The following PHETA1 variants were observed in gnomAD, a reference collection of about 807,000 sequenced individuals.
PHETA1 encodes the protein PH domain containing endocytic trafficking adaptor 1.
For synonymous variants in PHETA1, 155 were observed against 168.9 expected (o/e 0.92, Z 0.64); for missense variants, 348 against 373.5 (o/e 0.93, Z 0.56).
intron 2 of PHETA1, chr12:111,365,564 C>T: frequency 2.2e-6 from 1 of 455,390 alleles, no homozygotes; most frequent in South Asian, 1.6e-5. Flanking sequence ...ACATACACAC[C>T]ATGGAAAACT....
Position 111,362,966 on chromosome 12 carries a change from A to G in PHETA1, c.462T>C (p.Ser154=), listed in dbSNP as rs1868750944. 3 of 1,434,246 alleles carry G rather than the reference A, an allele frequency of 2.1e-6. No homozygotes were observed. In the African/African-American group the frequency reaches 4.4e-5, roughly 21 times the overall value. 88.8% of individuals were successfully genotyped at this position (1,434,246 alleles called of 1,614,324 possible). ...GCAGGGATGGGACTGGGGCCAGGGC[A>G]GAGGGCAGGGACGGGGGCAAGGGCA... The part of the protein sequence containing the change: ...QSLPLPPSLP[S]ALAPVPSLPS... Residue 154 remains serine, a synonymous_variant, in exon 3 of 3, where the codon TCT becomes TCC. Coordinates refer to ENST00000683047, the MANE Select transcript of PHETA1 (RefSeq NM_144671.6).
chr12:111,362,374 C>T lies in PHETA1; in HGVS notation c.*304G>A. The T allele has an allele frequency of 1.6e-6, 1 of 635,954 alleles. No individual in the cohort carries two copies. The highest frequency in any genetic ancestry group is 2.6e-6 in the Non-Finnish European group (1 of 382,184). The allele number at this position is 635,954 out of a possible 1,614,324, so 39.4% of individuals were successfully genotyped here. Reference sequence around the variant, plus strand: ...GTTGCCAGCACAGGCCTCTGCCCGGCAGCTCAGGCCAGCCTGGGGCCGGAG... The same window carrying T: ...GTTGCCAGCACAGGCCTCTGCCCGGTAGCTCAGGCCAGCCTGGGGCCGGAG... On this transcript the variant is annotated 3_prime_UTR_variant, in exon 3 of 3. Coordinates refer to ENST00000683047, the MANE Select transcript of PHETA1 (RefSeq NM_144671.6).
rs1230420007 is a variant in PHETA1 at position 111,367,087 on chromosome 12, C to T, written c.-181-830G>A. On this transcript the variant is annotated intron_variant, in intron 1 of 2. Transcript: ENST00000683047. The surrounding 1 kb of genome is among the most constrained non-coding windows in gnomAD (Gnocchi z 4.0). ...AGTTCCCTTTCCCTACCTCTTTCCCCCTTGTTCACTCAGCTCCAGCCATCC... is the reference window on the plus strand; with the variant it reads ...AGTTCCCTTTCCCTACCTCTTTCCCTCTTGTTCACTCAGCTCCAGCCATCC... Among the ~76,000 whole-genome samples the T allele has an allele frequency of 1.3e-5, 2 of 152,068 alleles. No individual in the cohort carries two copies. The highest frequency in any genetic ancestry group is 4.8e-5 in the African/African-American group (2 of 41,400).
chr12:111,362,616 GACCC>G lies in PHETA1; in HGVS notation c.*58_*61del. Reference sequence around the variant, plus strand: ...GGATCTGCTCCCCCAGTCTCTCCAGGACCCGGCCTGTCCCAGAGGGCATAGAGCT... The same window carrying G: ...GGATCTGCTCCCCCAGTCTCTCCAGGGGCCTGTCCCAGAGGGCATAGAGCT... On this transcript the variant is annotated 3_prime_UTR_variant, in exon 3 of 3. Transcript: ENST00000683047. 1.3e-6 allele frequency: 2 copies of G among 1,546,272 alleles called. No individual in the cohort carries two copies. The highest frequency in any genetic ancestry group is 1.7e-6 in the Non-Finnish European group (2 of 1,146,750).
In PHETA1 at chr12:111,363,086, G is replaced by A. The variant is rs754493723; in HGVS notation, c.342C>T (p.Asp114=). The change falls in exon 3 of 3, where the codon GAC becomes GAT. Residue 114 remains aspartate, a synonymous_variant. Transcript: ENST00000683047. The surrounding 1 kb of genome is among the most constrained non-coding windows in gnomAD (Gnocchi z 7.4). ...GCTCGCGCACCACCAGCCGCAGGTA[G>A]TCGAAGCTGGCACGCGACAGGGCCT... is the stretch of plus-strand genomic sequence containing the variant. ...WVKALSRASF[D]YLRLVVRELE... 1 of 1,589,262 alleles carries A rather than the reference G, an allele frequency of 6.3e-7. No individual in the cohort carries two copies. Among genetic ancestry groups the A allele is most frequent in the African/African-American group, 1.3e-5 (1 of 74,796 alleles).
chr12:111,366,272 C>T lies in PHETA1; in HGVS notation c.-181-15G>A, dbSNP rs938452351. 2 of 154,952 alleles carry T rather than the reference C, an allele frequency of 1.3e-5. No homozygotes were observed. Among genetic ancestry groups the T allele is most frequent in the Middle Eastern group, 5.1e-4 (1 of 1,944 alleles). The allele number at this position is 154,952 out of a possible 1,614,324, so 9.6% of individuals were successfully genotyped here. A position where few individuals can be genotyped will look rare whatever the true frequency, so the allele number is the denominator to read the frequency against. ...TGTTTCTGCATCTGTAAAATGGGAT[C>T]GTAACAGTGCCTAAGTCAGGGCTGT... On this transcript the variant is annotated splice_polypyrimidine_tract_variant and intron_variant, in intron 1 of 2. Coordinates refer to ENST00000683047, the MANE Select transcript of PHETA1 (RefSeq NM_144671.6).
In PHETA1 at chr12:111,363,361, A is replaced by G; in HGVS notation, c.67T>C (p.Phe23Leu). Residue 23 changes from phenylalanine to leucine, a missense_variant, in exon 3 of 3, where the codon TTC becomes CTC. Transcript: ENST00000683047. This position sits in a 1 kb window ranked among gnomAD's most constrained non-coding sequence, Gnocchi z 7.4. The stretch of plus-strand genomic sequence containing the variant: ...TGCCGCCCACCCTTCTTGTACAGGA[A>G]GCCTGCATTGTCCACCGGGGCGTCA... ...TCDAPVDNAG[F>L]LYKKGGRHAA... 6.2e-7 allele frequency: 1 copy of G among 1,613,162 alleles called. No individual in the cohort carries two copies. Among genetic ancestry groups the G allele is most frequent in the Non-Finnish European group, 8.5e-7 (1 of 1,179,980 alleles).
In PHETA1 at chr12:111,363,159, G is replaced by A. The variant is rs1253966636; in HGVS notation, c.269C>T (p.Thr90Ile). Residue 90 changes from threonine to isoleucine, a missense_variant, in exon 3 of 3, where the codon ACC becomes ATC. By Grantham distance (89) the Thr-to-Ile change is moderately conservative. Transcript: ENST00000683047. The surrounding 1 kb of genome is among the most constrained non-coding windows in gnomAD (Gnocchi z 7.4). ...AVRFAGTRAR[T>I]YVLAAESQDA... ...CTGACTCTCAGCGGCCAGCACGTAG[G>A]TGCGCGCCCGGGTCCCCGCAAAGCG... 1 of 1,611,456 alleles carries A rather than the reference G, an allele frequency of 6.2e-7. No individual in the cohort carries two copies. Among genetic ancestry groups the A allele is most frequent in the Non-Finnish European group, 8.5e-7 (1 of 1,179,800 alleles).
rs1457089433 is a variant in PHETA1, at chr12:111,361,904, A to C, written c.*774T>G. ...GGGGCCAAGACTGAAGGATGCAGTC[A>C]AGGAGTGTCTGGAGAGCCCTGTGAG... On this transcript the variant is annotated 3_prime_UTR_variant, in exon 3 of 3. Transcript: ENST00000683047. 1 of 456,110 alleles carries C rather than the reference A, an allele frequency of 2.2e-6. No homozygotes were observed. Among genetic ancestry groups the C allele is most frequent in the Non-Finnish European group, 4.4e-6 (1 of 226,874 alleles). 28.3% of individuals were successfully genotyped at this position (456,110 alleles called of 1,614,324 possible). A position where few individuals can be genotyped will look rare whatever the true frequency, so the allele number is the denominator to read the frequency against.
chr12:111,362,485 A>G lies in PHETA1; in HGVS notation c.*193T>C, dbSNP rs1367271470. The G allele has an allele frequency of 2.9e-6, 4 of 1,395,202 alleles. No homozygotes were observed. The highest frequency in any genetic ancestry group is 5.0e-5 in the East Asian group (2 of 39,804). 86.4% of individuals were successfully genotyped at this position (1,395,202 alleles called of 1,614,324 possible). A position where few individuals can be genotyped will look rare whatever the true frequency, so the allele number is the denominator to read the frequency against. On this transcript the variant is annotated 3_prime_UTR_variant, in exon 3 of 3. Transcript: ENST00000683047. ...CTCAAGGGTAGGCCTTCTGGGTCAC[A>G]TGGTCCTAAAGGCCCACTCAGAATC...
intron 1 of PHETA1, among the ~76,000 whole-genome samples, chr12:111,366,796 G>T (rs931971405): frequency 6.6e-6 from 1 of 152,020 alleles, no homozygotes; most frequent in Admixed American, 6.6e-5. Context: ...CCTTAGGCAG[G>T]GTGCGGTGGC....
rs772166451 is a variant in PHETA1 at position 111,362,978 on chromosome 12, C to T, written c.450G>A (p.Pro150=). Residue 150 remains proline (P), a synonymous_variant, in exon 3 of 3, where the codon CCG becomes CCA. Transcript: ENST00000683047. ...CTGGGGCCAGGGCAGAGGGCAGGGACGGGGGCAAGGGCAGGGACTGGGGCT... is the reference window on the plus strand; with the variant it reads ...CTGGGGCCAGGGCAGAGGGCAGGGATGGGGGCAAGGGCAGGGACTGGGGCT... ...QPQPQSLPLP[P]SLPSALAPVP... The T allele has an allele frequency of 2.5e-4, 303 of 1,223,474 alleles. 3 individuals carry two copies. In the Middle Eastern group the frequency reaches 4.3e-3, roughly 17 times the overall value. 75.8% of individuals were successfully genotyped at this position (1,223,474 alleles called of 1,614,324 possible).
At chr12:111,364,794 G>A (rs1479858742) in intron 2 of PHETA1, among the ~76,000 whole-genome samples, 1 of 151,918 alleles carries the variant, frequency 6.6e-6, no homozygotes. Context: ...CAGGCATGGT[G>A]GGGGGTGCCT....
At position 111,362,620 on chromosome 12, in the gene PHETA1, C is replaced by T. The variant is rs749276185; in HGVS notation, c.*58G>A. 18 of 1,546,760 alleles carry T rather than the reference C, an allele frequency of 1.2e-5. No homozygotes were observed. The highest frequency in any genetic ancestry group is 9.8e-5 in the East Asian group (4 of 40,926). ...CTGCTCCCCCAGTCTCTCCAGGACC[C>T]GGCCTGTCCCAGAGGGCATAGAGCT... On this transcript the variant is annotated 3_prime_UTR_variant, in exon 3 of 3. Transcript: ENST00000683047.
chr12:111,362,496 G>A lies in PHETA1; in HGVS notation c.*182C>T. On this transcript the variant is annotated 3_prime_UTR_variant, in exon 3 of 3. Transcript: ENST00000683047. Reference sequence around the variant, plus strand: ...GCCTTCTGGGTCACATGGTCCTAAAGGCCCACTCAGAATCCAGCACCTTCT... The same window carrying A: ...GCCTTCTGGGTCACATGGTCCTAAAAGCCCACTCAGAATCCAGCACCTTCT... 2.8e-6 allele frequency: 4 copies of A among 1,453,000 alleles called. No homozygotes were observed. Among genetic ancestry groups the A allele is most frequent in the African/African-American group, 1.4e-5 (1 of 70,512 alleles). 90.0% of individuals were successfully genotyped at this position (1,453,000 alleles called of 1,614,324 possible). A position where few individuals can be genotyped will look rare whatever the true frequency, so the allele number is the denominator to read the frequency against.
Position 111,364,508 on chromosome 12 carries a change from G to A in PHETA1, c.-36-1045C>T, listed in dbSNP as rs185424309. ...ACAGGGGCTGGGCACAGTGGCTCAC[G>A]CCTGTAATCCCAGCACTTTGGAAGG... On this transcript the variant is annotated intron_variant, in intron 2 of 2. Transcript: ENST00000683047. Among the ~76,000 whole-genome samples the A allele has an allele frequency of 1.3e-3, 192 of 152,254 alleles. 1 individual carries two copies. The highest frequency in any genetic ancestry group is 1.9e-3 in the Non-Finnish European group (129 of 68,022).
Position 111,362,649 on chromosome 12 carries a change from G to T in PHETA1, c.*29C>A. The T allele has an allele frequency of 1.3e-6, 2 of 1,549,104 alleles. No individual in the cohort carries two copies. The highest frequency in any genetic ancestry group is 1.7e-6 in the Non-Finnish European group (2 of 1,146,850). On this transcript the variant is annotated 3_prime_UTR_variant, in exon 3 of 3. Coordinates refer to ENST00000683047, the MANE Select transcript of PHETA1 (RefSeq NM_144671.6). ...CTGTCCCAGAGGGCATAGAGCTTGT[G>T]TCCCCCTAAAACAGGCGCCCTGGTG...
rs1190315116 is a variant in PHETA1 at position 111,362,902 on chromosome 12, G to T, written c.526C>A (p.Arg176Ser). Residue 176 changes from arginine to serine, a missense_variant, in exon 3 of 3, where the codon CGC becomes AGC. Arg to Ser is a moderately radical substitution (Grantham distance 110). Transcript: ENST00000683047. ...TTGGGCGGGAGGGCACTGGGCCGGC[G>T]GGGCAGGGGCAGGGCTGGGACCGGG... ...PAPVPALPLP[R>S]RPSALPPKEN... 1.3e-6 allele frequency: 2 copies of T among 1,512,062 alleles called. No homozygotes were observed. Among genetic ancestry groups the T allele is most frequent in the South Asian group, 2.5e-5 (2 of 79,252 alleles). The allele number at this position is 1,512,062 out of a possible 1,614,324, so 93.7% of individuals were successfully genotyped here. A position where few individuals can be genotyped will look rare whatever the true frequency, so the allele number is the denominator to read the frequency against.
At position 111,368,960 on chromosome 12, in the gene PHETA1, C is replaced by G. The variant is rs1367605469; in HGVS notation, c.-230G>C. 3.9e-5 allele frequency: 6 copies of G among 152,582 alleles called. No individual in the cohort carries two copies. The highest frequency in any genetic ancestry group is 1.3e-4 in the Admixed American group (2 of 15,280). The allele number at this position is 152,582 out of a possible 1,614,324, so 9.5% of individuals were successfully genotyped here. On this transcript the variant is annotated 5_prime_UTR_variant, in exon 1 of 3. Coordinates refer to ENST00000683047, the MANE Select transcript of PHETA1 (RefSeq NM_144671.6). The surrounding 1 kb of genome is among the most constrained non-coding windows in gnomAD (Gnocchi z 5.0). ...CGACGGGACGGGAGGCGCGAGGTTG[C>G]GGGGTGGCCCGGCCATGGTTCGGGA...
Sources: gnomAD v4.1 joint callset for allele counts (sites outside exome capture counted in the v4.1 genomes callset) on GRCh38, gnomAD v4.1.1 for gene constraint, Gnocchi (gnomAD v3.1) non-coding constraint, MANE v1.5 for transcripts, NCBI Gene and HGNC (gene_info 2026-07-23, HGNC 2026-07-21) for gene names.